RRAGD: variants seen among roughly 807,000 people sequenced by gnomAD.
RRAGD encodes the protein ras-related GTP-binding protein D.
Under a neutral mutation model 35.5 loss-of-function variants are expected in RRAGD, and 12 were observed. The observed-to-expected ratio is 0.34, with a 90% CI of 0.22 to 0.55. The LOEUF is 0.55. Among genes scored for constraint, RRAGD ranks in the 20% least tolerant of loss-of-function variants. RRAGD has a pLI of 0.91. For synonymous variants in RRAGD, 155 were observed against 178.9 expected, an observed-to-expected ratio of 0.87 and a Z score of 1.07; for missense variants, 324 against 490.1, an observed-to-expected ratio of 0.66 and a Z score of 3.20.
At chr6:89,396,124 T>C (rs544951910) in intron 1 of RRAGD, among the ~76,000 whole-genome samples, 13 of 152,202 alleles carry the variant, frequency 8.5e-5, no homozygotes, top group Non-Finnish European at 1.5e-4. Flanking sequence ...ATTGGTAAAC[T>C]GGATTTTATT....
chr6:89,403,139 A>G (rs988620821), intron 1 of RRAGD, among the ~76,000 whole-genome samples: 1 of 152,162 alleles, frequency 6.6e-6, no homozygotes, highest in Admixed American at 6.5e-5. Flanking sequence ...TTTTACCACA[A>G]TGACATTTTT....
chr6:89,412,097 T>G lies in RRAGD; in HGVS notation c.-104A>C. The G allele has an allele frequency of 2.6e-6, 3 of 1,146,882 alleles. No homozygotes were observed. Among genetic ancestry groups the G allele is most frequent in the Non-Finnish European group, 3.4e-6 (3 of 871,058 alleles). The allele number at this position is 1,146,882 out of a possible 1,614,324, so 71.0% of individuals were successfully genotyped here. ...CCTATTTCTGAAGCGGAGGTTTGTC[T>G]AGAGCTCAGCGGGGCCCGGCGGAAG... On this transcript the variant is annotated 5_prime_UTR_variant, in exon 1 of 7. Transcript: ENST00000369415. The surrounding 1 kb of genome is among the most constrained non-coding windows in gnomAD (Gnocchi z 4.2).
At position 89,368,009 on chromosome 6, in the gene RRAGD, GC is replaced by G. The variant is rs532221780; in HGVS notation, c.*46del. The G allele has an allele frequency of 7.0e-5, 105 of 1,500,616 alleles. No homozygotes were observed. In the African/African-American group the frequency reaches 1.4e-3, roughly 20 times the overall value. The allele number at this position is 1,500,616 out of a possible 1,614,324, so 93.0% of individuals were successfully genotyped here. On this transcript the variant is annotated 3_prime_UTR_variant, in exon 7 of 7. Transcript: ENST00000369415. Reference sequence around the variant, plus strand: ...TCCTTTAGTGCAACATGGCGCAGCAGCCTCATGGATAAGGTCTGATTTCAAA... The same window carrying G: ...TCCTTTAGTGCAACATGGCGCAGCAGCTCATGGATAAGGTCTGATTTCAAA...
chr6:89,367,837 A>G lies in RRAGD; in HGVS notation c.*219T>C, dbSNP rs11963952. On this transcript the variant is annotated 3_prime_UTR_variant, in exon 7 of 7. Coordinates refer to ENST00000369415, the MANE Select transcript of RRAGD (RefSeq NM_021244.5). Reference sequence around the variant, plus strand: ...AAGTTTACATTTGTGTAATGAAATGACAATGGATTTCACATCACTGTTAAT... The same window carrying G: ...AAGTTTACATTTGTGTAATGAAATGGCAATGGATTTCACATCACTGTTAAT... 41,134 of 392,172 alleles carry G rather than the reference A, an allele frequency of 0.1. 2,504 individuals are homozygous for G. The highest frequency in any genetic ancestry group is 0.17 in the African/African-American group (8,305 of 48,646). 24.3% of individuals were successfully genotyped at this position (392,172 alleles called of 1,614,324 possible). A position where few individuals can be genotyped will look rare whatever the true frequency, so the allele number is the denominator to read the frequency against.
intron 1 of RRAGD, among the ~76,000 whole-genome samples, chr6:89,400,330 TC>T (rs1242039106): frequency 6.6e-6 from 1 of 152,180 alleles, no homozygotes; most frequent in Non-Finnish European, 1.5e-5. Context: ...TGGTGAAATT[TC>T]CCTGGGTTTA....
chr6:89,395,558 T>G (rs1769316999), intron 1 of RRAGD, among the ~76,000 whole-genome samples: 1 of 152,254 alleles, frequency 6.6e-6, no homozygotes, highest in Non-Finnish European at 1.5e-5. Flanking sequence ...ACCTTTGATA[T>G]TCCCTTTCAC....
intron 2 of RRAGD, among the ~76,000 whole-genome samples, chr6:89,386,054 A>G (rs1769132264): frequency 6.6e-6 from 1 of 152,170 alleles, no homozygotes; most frequent in African/African-American, 2.4e-5. Flanking sequence ...CAGCTGGCCA[A>G]CCTGTCTCAC....
intron 3 of RRAGD, 78 bp downstream of exon 3, chr6:89,380,090 C>A (rs1266567516): frequency 1.5e-5 from 19 of 1,303,518 alleles, no homozygotes; most frequent in Non-Finnish European, 2.1e-5. Context: ...CCATGCCAAG[C>A]CAATCATGGT....
In RRAGD at chr6:89,411,544, G is replaced by A. The variant is rs1243831805; in HGVS notation, c.148+302C>T. Reference sequence around the variant, plus strand: ...AGACGCTGCGGAGAGCTTGGGGTGAGGGGCGCGGGAGGCACCGGCTCTGAA... The same window carrying A: ...AGACGCTGCGGAGAGCTTGGGGTGAAGGGCGCGGGAGGCACCGGCTCTGAA... On this transcript the variant is annotated intron_variant, in intron 1 of 6. Coordinates refer to ENST00000369415, the MANE Select transcript of RRAGD (RefSeq NM_021244.5). The surrounding 1 kb of genome is among the most constrained non-coding windows in gnomAD (Gnocchi z 5.6). 2 of 383,718 alleles carry A rather than the reference G, an allele frequency of 5.2e-6. No individual in the cohort carries two copies. Among genetic ancestry groups the A allele is most frequent in the Non-Finnish European group, 4.8e-6 (1 of 209,384 alleles). The allele number at this position is 383,718 out of a possible 1,614,324, so 23.8% of individuals were successfully genotyped here.
chr6:89,388,669 C>T (rs547541875), intron 1 of RRAGD, among the ~76,000 whole-genome samples: 8 of 152,176 alleles, frequency 5.3e-5, no homozygotes, highest in African/African-American at 1.9e-4. Flanking sequence ...TTCCAGGGAC[C>T]AGTGGGATGG....
chr6:89,409,383 C>G (rs1453296582), intron 1 of RRAGD, among the ~76,000 whole-genome samples: 1 of 152,166 alleles, frequency 6.6e-6, no homozygotes, highest in Non-Finnish European at 1.5e-5. Context: ...AGTGCAGGCA[C>G]TAAACCAAGC....
chr6:89,385,958 G>A (rs190828815), intron 2 of RRAGD, among the ~76,000 whole-genome samples: 6 of 152,164 alleles, frequency 3.9e-5, no homozygotes, highest in East Asian at 1.9e-4. Context: ...TGATATTATC[G>A]GGAATAGTCT....
Position 89,365,665 on chromosome 6 carries a change from C to T in RRAGD, c.*2391G>A, listed in dbSNP as rs1768728542. On this transcript the variant is annotated 3_prime_UTR_variant, in exon 7 of 7. Transcript: ENST00000369415. Reference sequence around the variant, plus strand: ...ACACTTACTACCATGAACTTGGGCCCTATGTCATAGAATTATTTTTGCCTT... The same window carrying T: ...ACACTTACTACCATGAACTTGGGCCTTATGTCATAGAATTATTTTTGCCTT... 2 of 152,170 alleles carry T rather than the reference C, an allele frequency of 1.3e-5. No homozygotes were observed. 9.4% of individuals were successfully genotyped at this position (152,170 alleles called of 1,614,324 possible).
intron 2 of RRAGD, among the ~76,000 whole-genome samples, chr6:89,384,986 T>C (rs1769116341): frequency 6.6e-6 from 1 of 151,852 alleles, no homozygotes. Flanking sequence ...CCCAGGACTT[T>C]GAGGCTGTAG....
At chr6:89,372,636 A>G (rs1284361388) in intron 5 of RRAGD, 51 bp from the exon 6 acceptor site, 14 of 1,493,126 alleles carry the variant, frequency 9.4e-6, no homozygotes, top group African/African-American at 1.4e-5. Context: ...AGAACTAGAA[A>G]CTGTAAGCCA....
intron 1 of RRAGD, among the ~76,000 whole-genome samples, chr6:89,409,466 C>G (rs538484955): frequency 4.0e-4 from 61 of 152,304 alleles, no homozygotes; most frequent in Middle Eastern, 3.4e-3. Flanking sequence ...TACATCTTTT[C>G]TCAGAATAAC....
intron 6 of RRAGD, among the ~76,000 whole-genome samples, chr6:89,368,489 G>A (rs563571394): frequency 6.6e-6 from 1 of 152,252 alleles, no homozygotes; most frequent in African/African-American, 2.4e-5. Context: ...TTTAAAGAAC[G>A]ACTGAACTGA....
chr6:89,379,148 A>G, intron 4 of RRAGD, 76 bp downstream of exon 4: 1 of 719,936 alleles, frequency 1.4e-6, no homozygotes, highest in African/African-American at 1.8e-5. Context: ...AGCAATCGGA[A>G]ATAAGATCTT....
intron 5 of RRAGD, among the ~76,000 whole-genome samples, chr6:89,376,303 GTGTGTGT>G (rs765824794): frequency 0.049 from 1,787 of 36,268 alleles, 36 homozygotes; most frequent in African/African-American, 0.13. Flanking sequence ...TGTGTGTGGT[GTGTGTGT>G]GTGTGTGTGT....
Sources: gnomAD v4.1 joint callset for allele counts (sites outside exome capture counted in the v4.1 genomes callset) on GRCh38, gnomAD v4.1.1 for gene constraint, Gnocchi (gnomAD v3.1) non-coding constraint, MANE v1.5 for transcripts, NCBI Gene and HGNC (gene_info 2026-07-23, HGNC 2026-07-21) for gene names.